RSRC1: variants seen among roughly 807,000 people sequenced by gnomAD.
RSRC1 encodes arginine and serine rich coiled-coil 1, also known as serine/Arginine-related protein 53.
In RSRC1, 39 loss-of-function variants were observed where a neutral mutation model predicts 49.1. The ratio of observed to expected loss-of-function variants is 0.79; its 90% CI spans 0.61 to 1.04. RSRC1 has a LOEUF of 1.04. Among genes scored for constraint, RSRC1 ranks in the 50% least tolerant of loss-of-function variants. The pLI is 0.00. For missense variants in RSRC1, 388 were observed against 402.4 expected, an observed-to-expected ratio of 0.96 and a Z score of 0.31; for synonymous variants, 143 against 130.8, an observed-to-expected ratio of 1.09 and a Z score of -0.63.
intron 5 of RSRC1, among the ~76,000 whole-genome samples, chr3:158,351,915 T>TTG (rs1553791139): frequency 2.8e-5 from 4 of 143,842 alleles, no homozygotes; most frequent in South Asian, 2.1e-4. Flanking sequence ...TATATAAATA[T>TTG]TATATATATA....
At chr3:158,270,409 C>G (rs1725444284) in intron 4 of RSRC1, among the ~76,000 whole-genome samples, 2 of 152,140 alleles carry the variant, frequency 1.3e-5, no homozygotes, top group Admixed American at 6.6e-5. Context: ...GGGACTGATT[C>G]ACAATACTAA....
chr3:158,208,761 T>G (rs1721492816), intron 4 of RSRC1, among the ~76,000 whole-genome samples: 1 of 152,162 alleles, frequency 6.6e-6, no homozygotes, highest in Admixed American at 6.5e-5. Context: ...TGAAATTGGA[T>G]ACAACATTAT....
chr3:158,212,240 T>C (rs1387167550), intron 4 of RSRC1, among the ~76,000 whole-genome samples: 1 of 151,926 alleles, frequency 6.6e-6, no homozygotes, highest in African/African-American at 2.4e-5. Flanking sequence ...TAAATCCAGC[T>C]TAGAAACATG....
intron 6 of RSRC1, among the ~76,000 whole-genome samples, chr3:158,426,720 A>G (rs1019153937): frequency 3.3e-5 from 5 of 151,830 alleles, no homozygotes; most frequent in African/African-American, 1.2e-4. Flanking sequence ...GTTTTGGTTC[A>G]GTGATCAAGT....
At chr3:158,289,905 ATCTG>A (rs1559978792) in intron 4 of RSRC1, among the ~76,000 whole-genome samples, 4 of 148,834 alleles carry the variant, frequency 2.7e-5, no homozygotes, top group African/African-American at 1.0e-4. Context: ...GCCAAAATTT[ATCTG>A]TCTTTCTATC....
intron 4 of RSRC1, among the ~76,000 whole-genome samples, chr3:158,218,765 A>G (rs538052108): frequency 1.3e-5 from 2 of 151,732 alleles, no homozygotes; most frequent in African/African-American, 4.8e-5. Context: ...TATCTTCCAT[A>G]TGGCAAGATT....
At chr3:158,375,617 T>C (rs1732318106) in intron 6 of RSRC1, among the ~76,000 whole-genome samples, 1 of 152,158 alleles carries the variant, frequency 6.6e-6, no homozygotes, top group African/African-American at 2.4e-5. Flanking sequence ...TAGTAAATAA[T>C]TATAAATAAA....
intron 6 of RSRC1, among the ~76,000 whole-genome samples, chr3:158,458,245 A>G (rs1435149264): frequency 1.3e-5 from 2 of 152,120 alleles, no homozygotes; most frequent in African/African-American, 4.8e-5. Flanking sequence ...GTTAATTTCT[A>G]AAATATTGGT....
At position 158,544,198 on chromosome 3, in the gene RSRC1, G is replaced by T. The variant is rs1273462884; in HGVS notation, c.928G>T (p.Ala310Ser). The change falls in exon 10 of 10, where the codon GCT (alanine) becomes TCT (serine). Residue 310 changes from alanine to serine, a missense_variant. Coordinates refer to ENST00000611884, the MANE Select transcript of RSRC1 (RefSeq NM_001271838.2). ...CTTATTTCAGTTATTTATCGAGAAA[G>T]CTGATGCTGAGGAAAAATGGTTCAA... ...LAHPNLFIEKADAEEKWFKRL... is the reference protein window; with the variant it reads ...LAHPNLFIEKSDAEEKWFKRL... The T allele has an allele frequency of 3.1e-6, 5 of 1,611,292 alleles. No homozygotes were observed. In the East Asian group the frequency reaches 8.9e-5, roughly 29 times the overall value.
chr3:158,261,791 C>A (rs1037666490), intron 4 of RSRC1, among the ~76,000 whole-genome samples: 4 of 152,360 alleles, frequency 2.6e-5, no homozygotes, highest in Non-Finnish European at 5.9e-5. Context: ...CTCCCATCAC[C>A]ACCAGATGGA....
intron 5 of RSRC1, among the ~76,000 whole-genome samples, chr3:158,319,719 A>G (rs1340140113): frequency 6.6e-6 from 1 of 152,194 alleles, no homozygotes; most frequent in African/African-American, 2.4e-5. Flanking sequence ...ATTTTGAGTG[A>G]ATTTTATATT....
At chr3:158,111,757 G>A (rs1390731413) in intron 1 of RSRC1, among the ~76,000 whole-genome samples, 1 of 152,170 alleles carries the variant, frequency 6.6e-6, no homozygotes, top group Non-Finnish European at 1.5e-5. Flanking sequence ...GATATACTGA[G>A]TGAGTAGTGG....
chr3:158,275,551 C>G (rs1725757654), intron 4 of RSRC1, among the ~76,000 whole-genome samples: 1 of 152,106 alleles, frequency 6.6e-6, no homozygotes, highest in South Asian at 2.1e-4. Context: ...TATTTTAAAC[C>G]TATTATACTA....
intron 5 of RSRC1, among the ~76,000 whole-genome samples, chr3:158,337,808 C>T (rs956244412): frequency 2.6e-5 from 4 of 152,192 alleles, no homozygotes; most frequent in Non-Finnish European, 4.4e-5. Flanking sequence ...TCTTACCTTC[C>T]TTATACCCTC....
chr3:158,343,661 G>A (rs1730378194), intron 5 of RSRC1, among the ~76,000 whole-genome samples: 1 of 152,096 alleles, frequency 6.6e-6, no homozygotes, highest in Non-Finnish European at 1.5e-5. Flanking sequence ...TAGACACGAA[G>A]GCTATACAGC....
chr3:158,206,050 A>G (rs1440054131), intron 4 of RSRC1, among the ~76,000 whole-genome samples: 1 of 152,220 alleles, frequency 6.6e-6, no homozygotes, highest in South Asian at 2.1e-4. Context: ...GTATTTCAGT[A>G]AAACTATTTA....
At chr3:158,515,936 G>A (rs12491784) in intron 7 of RSRC1, among the ~76,000 whole-genome samples, 42,955 of 150,706 alleles carry the variant, frequency 0.29, 6,579 homozygotes, top group South Asian at 0.41. Flanking sequence ...TCGAGCCTTG[G>A]TTTTCAGCTC....
At chr3:158,530,266 C>G (rs1417182057) in intron 7 of RSRC1, among the ~76,000 whole-genome samples, 1 of 151,866 alleles carries the variant, frequency 6.6e-6, no homozygotes, top group African/African-American at 2.4e-5. Context: ...GCTACCATTT[C>G]TTAAGTGCTT....
At chr3:158,487,334 A>T (rs1365284172) in intron 7 of RSRC1, among the ~76,000 whole-genome samples, 2 of 152,200 alleles carry the variant, frequency 1.3e-5, no homozygotes, top group Non-Finnish European at 2.9e-5. Flanking sequence ...ATATTTCTGG[A>T]TCTCTGAAAA....
Sources: gnomAD v4.1 joint callset for allele counts (sites outside exome capture counted in the v4.1 genomes callset) on GRCh38, gnomAD v4.1.1 for gene constraint, MANE v1.5 for transcripts, NCBI Gene and HGNC (gene_info 2026-07-23, HGNC 2026-07-21) for gene names.